TEX10: variants seen among roughly 807,000 people sequenced by gnomAD.
The protein encoded by TEX10 is testis-expressed protein 10.
In TEX10, 24 loss-of-function variants were observed where a neutral mutation model predicts 104.4. The ratio of observed to expected loss-of-function variants is 0.23; its 90% CI spans 0.17 to 0.32. TEX10 has a LOEUF of 0.32. Ranked by LOEUF, TEX10 falls within the 10% of genes least tolerant of loss-of-function variation. The pLI is 1.00. For missense variants in TEX10, 921 were observed against 1,083.9 expected (o/e 0.85, Z 2.11); for synonymous variants, 396 against 393.4 (o/e 1.01, Z -0.08).
intron 4 of TEX10, among the ~76,000 whole-genome samples, chr9:100,343,271 G>T (rs117100101): frequency 6.7e-6 from 1 of 149,380 alleles, no homozygotes; most frequent in Non-Finnish European, 1.5e-5. Context: ...ATGGGGGTAG[G>T]CAAGTGCTTA....
In TEX10 at chr9:100,326,348, G is replaced by A; in HGVS notation, c.1933C>T (p.Leu645Phe). 3 of 1,614,010 alleles carry A rather than the reference G, an allele frequency of 1.9e-6. No individual in the cohort carries two copies. The highest frequency in any genetic ancestry group is 2.5e-6 in the Non-Finnish European group (3 of 1,179,972). Residue 645 changes from leucine (L) to phenylalanine (F), a missense_variant, in exon 9 of 15, where the codon CTC becomes TTC. Leu to Phe is a conservative substitution (Grantham distance 22, BLOSUM62 0). Around this residue, in one of 3 missense-constraint regions of TEX10, gnomAD observed 753 missense variants for 868.4 expected, o/e 0.87. Coordinates refer to ENST00000374902, the MANE Select transcript of TEX10 (RefSeq NM_017746.4). ...AGCATGGCAGCCAAACTTGAACTGA[G>A]TCTTCCCATAATACAGCAACGACTT... ...RLSRCCIMGRLSSSLAAMLIG... is the reference protein window; with the variant it reads ...RLSRCCIMGRFSSSLAAMLIG...
rs1554732275 is a variant in TEX10, at chr9:100,302,938, C to CA, written c.2677-635dup. 1.5e-4 allele frequency among the ~76,000 whole-genome samples: 23 copies of CA among 150,236 alleles called. No individual in the cohort carries two copies. In the East Asian group the frequency reaches 4.8e-3, roughly 31 times the overall value. ...GACACTTTTTTAACCGCCCCCCCCC[C>CA]AAACTAAAATCACCAAAGGAATCCT... On this transcript the variant is annotated intron_variant, in intron 14 of 14. Transcript: ENST00000374902.
rs1199703557 is a variant in TEX10 at position 100,334,799 on chromosome 9, GGGT to G, written c.1251-4633_1251-4631del. On this transcript the variant is annotated intron_variant, in intron 5 of 14. Transcript: ENST00000374902. ...CCCACCTCAGGCTCCCAAGTATCAG[GGGT>G]TACAGTTGTGCGCCACCACACTTGG... Among the ~76,000 whole-genome samples the G allele has an allele frequency of 2.0e-5, 3 of 152,102 alleles. No homozygotes were observed. The East Asian group carries it at 5.8e-4, about 29-fold the overall frequency.
At chr9:100,345,958 G>A in intron 4 of TEX10, 114 bp downstream of exon 4, 3 of 1,183,630 alleles carry the variant, frequency 2.5e-6, no homozygotes, top group Non-Finnish European at 3.4e-6. Context: ...TTAAACCCAG[G>A]GTACTTTTCA....
chr9:100,328,839 T>A (rs1198425605), intron 7 of TEX10, among the ~76,000 whole-genome samples: 2 of 152,192 alleles, frequency 1.3e-5, no homozygotes, highest in Non-Finnish European at 2.9e-5. Context: ...TCAACCTCCG[T>A]AATTTTTATG....
In TEX10 at chr9:100,352,342, C is replaced by T; in HGVS notation, c.-10+430G>A. The T allele has an allele frequency of 3.2e-6, 5 of 1,550,482 alleles. No homozygotes were observed. The South Asian group carries it at 6.0e-5, about 18-fold the overall frequency. On this transcript the variant is annotated intron_variant, in intron 1 of 14. Coordinates refer to ENST00000374902, the MANE Select transcript of TEX10 (RefSeq NM_017746.4). ...TCGCTTAACTCTCCCGCCTGGGCGA[C>T]CAGAGGACGGAACAGGGGACGCCAG...
intron 11 of TEX10, among the ~76,000 whole-genome samples, chr9:100,310,582 T>C (rs1249946442): frequency 6.6e-6 from 1 of 151,872 alleles, no homozygotes; most frequent in East Asian, 1.9e-4. Context: ...GGACTACAGG[T>C]GCACACCACC....
intron 7 of TEX10, 82 bp from the exon 8 acceptor site, chr9:100,328,044 A>T: frequency 8.8e-7 from 1 of 1,136,528 alleles, no homozygotes; most frequent in Admixed American, 3.3e-5. Context: ...TTTTTTTTTA[A>T]CTTAAATATA....
At position 100,352,776 on chromosome 9, in the gene TEX10, G is replaced by A. The variant is rs772673058; in HGVS notation, c.-14C>T. ...CGACGGGCGACGGCCGCTTACCTGAGGACCCGGCCGCGGCCGGGGCGAGAA... is the reference window on the plus strand; with the variant it reads ...CGACGGGCGACGGCCGCTTACCTGAAGACCCGGCCGCGGCCGGGGCGAGAA... On this transcript the variant is annotated 5_prime_UTR_variant, in exon 1 of 15. Coordinates refer to ENST00000374902, the MANE Select transcript of TEX10 (RefSeq NM_017746.4). 1,544 of 1,103,154 alleles carry A rather than the reference G, an allele frequency of 1.4e-3. 2 individuals carry two copies. The highest frequency in any genetic ancestry group is 2.0e-3 in the Admixed American group (38 of 18,882). 68.3% of individuals were successfully genotyped at this position (1,103,154 alleles called of 1,614,324 possible).
At chr9:100,318,329 G>A (rs750286336) in intron 11 of TEX10, among the ~76,000 whole-genome samples, 11 of 152,112 alleles carry the variant, frequency 7.2e-5, no homozygotes, top group East Asian at 3.8e-4. Flanking sequence ...TGGATATAAC[G>A]GAAGGCCATT....
chr9:100,302,721 C>G (rs1001870902), intron 14 of TEX10, among the ~76,000 whole-genome samples: 1 of 152,194 alleles, frequency 6.6e-6, no homozygotes, highest in Non-Finnish European at 1.5e-5. Context: ...ATTCCCCAGT[C>G]TGGGAATAAT....
At chr9:100,314,321 C>T (rs1471683872) in intron 11 of TEX10, among the ~76,000 whole-genome samples, 8 of 152,054 alleles carry the variant, frequency 5.3e-5, no homozygotes, top group Non-Finnish European at 8.8e-5. Context: ...CTCCTGACTT[C>T]GTGATCCTCC....
Position 100,350,423 on chromosome 9 carries a change from T to G in TEX10, c.-9-1051A>C, listed in dbSNP as rs890397508. ...ATAGTAAAACCTCCTTAGCAGGACA[T>G]ATGAGGTCCTTCCTAATGTGGCCCC... On this transcript the variant is annotated intron_variant, in intron 1 of 14. Coordinates refer to ENST00000374902, the MANE Select transcript of TEX10 (RefSeq NM_017746.4). 2.6e-5 allele frequency among the ~76,000 whole-genome samples: 4 copies of G among 152,160 alleles called. No individual in the cohort carries two copies. The East Asian group carries it at 7.7e-4, about 29-fold the overall frequency.
intron 5 of TEX10, among the ~76,000 whole-genome samples, chr9:100,333,890 T>C (rs967837395): frequency 6.6e-6 from 1 of 151,914 alleles, no homozygotes; most frequent in Non-Finnish European, 1.5e-5. Context: ...CAATGAACGG[T>C]GATAGAACAA....
chr9:100,323,916 A>AT (rs1834638681), intron 9 of TEX10, among the ~76,000 whole-genome samples: 2 of 152,232 alleles, frequency 1.3e-5, no homozygotes, highest in Non-Finnish European at 2.9e-5. Flanking sequence ...TTGTAAGAGT[A>AT]TAAGTGGGAA....
chr9:100,329,897 C>T lies in TEX10; in HGVS notation c.1489+34G>A, dbSNP rs1834812835. 3.3e-6 allele frequency: 5 copies of T among 1,501,068 alleles called. No individual in the cohort carries two copies. The African/African-American group carries it at 5.5e-5, about 17-fold the overall frequency. 93.0% of individuals were successfully genotyped at this position (1,501,068 alleles called of 1,614,324 possible). On this transcript the variant is annotated intron_variant, in intron 6 of 14. Coordinates refer to ENST00000374902, the MANE Select transcript of TEX10 (RefSeq NM_017746.4). ...CTTAAGATAGCACATGTAAGAGCTC[C>T]ACTCTTAAATAAGGGCAAAGTAGCA...
intron 6 of TEX10, among the ~76,000 whole-genome samples, chr9:100,329,483 A>T (rs1277702123): frequency 2.6e-5 from 4 of 152,224 alleles, no homozygotes; most frequent in Non-Finnish European, 4.4e-5. Flanking sequence ...TTTCTTAACA[A>T]CAAACCTAGG....
chr9:100,326,229 C>A, intron 9 of TEX10, 73 bp downstream of exon 9: 1 of 1,501,334 alleles, frequency 6.7e-7, no homozygotes, highest in Admixed American at 2.0e-5. Flanking sequence ...AAAAGGCTTC[C>A]GTAATTCACA....
intron 1 of TEX10, chr9:100,352,445 T>C (rs780771029): frequency 1.3e-6 from 2 of 1,551,602 alleles, no homozygotes; most frequent in Non-Finnish European, 1.7e-6. Context: ...CCATCGTTCC[T>C]CCTACTCCAA....
Sources: allele counts gnomAD v4.1 joint callset (sites outside exome capture counted in the v4.1 genomes callset), GRCh38; gene constraint gnomAD v4.1.1; regional missense constraint gnomAD v4.1.1; transcripts MANE v1.5; gene names NCBI Gene and HGNC (gene_info 2026-07-23, HGNC 2026-07-21).